The following TAFA1 variants were observed in gnomAD, a reference collection of about 807,000 sequenced individuals.
The protein encoded by TAFA1 is TAFA chemokine like family member 1, also known as chemokine-like protein TAFA-1.
A neutral mutation model predicts 18.5 loss-of-function variants in TAFA1; 4 were observed. The ratio of observed to expected loss-of-function variants is 0.22; its 90% CI spans 0.11 to 0.49. The LOEUF (loss-of-function observed/expected upper bound fraction) is 0.49, where lower values mean the gene tolerates loss of function less well. TAFA1 is among the 20% of genes least tolerant of loss of function. The probability of loss-of-function intolerance (pLI) is 0.98; values close to 1 mark genes in which losing one functional copy is unlikely to be tolerated. For missense variants in TAFA1, 147 were observed against 169.0 expected (o/e 0.87, Z 0.72); for synonymous variants, 56 against 55.2 (o/e 1.01, Z -0.06).
chr3:68,427,111 A>G (rs1466640058), intron 3 of TAFA1, among the ~76,000 whole-genome samples: 7 of 151,904 alleles, frequency 4.6e-5, no homozygotes, highest in African/African-American at 1.4e-4. Context: ...CAGTTACCTA[A>G]CTGCCATAAA....
chr3:68,150,697 G>A (rs1418839915), intron 2 of TAFA1, among the ~76,000 whole-genome samples: 1 of 151,712 alleles, frequency 6.6e-6, no homozygotes, highest in Non-Finnish European at 1.5e-5. Context: ...TTTCTTTCCC[G>A]CCTATTGAAA....
At chr3:68,451,714 CAA>C (rs2071568925) in intron 3 of TAFA1, among the ~76,000 whole-genome samples, 1 of 152,090 alleles carries the variant, frequency 6.6e-6, no homozygotes, top group South Asian at 2.1e-4. Flanking sequence ...ACAACAAGAC[CAA>C]ACTGACAGAT....
chr3:68,077,502 G>A (rs2064841223), intron 2 of TAFA1, among the ~76,000 whole-genome samples: 1 of 145,546 alleles, frequency 6.9e-6, no homozygotes. Flanking sequence ...GTAAGGAAGG[G>A]ATCCAGTTTC....
rs1158690522 is a variant in TAFA1 at position 68,155,315 on chromosome 3, G to A, written c.118+148571G>A. On this transcript the variant is annotated intron_variant, in intron 2 of 4. Coordinates refer to ENST00000478136, the MANE Select transcript of TAFA1 (RefSeq NM_213609.4). ...GCTTGCCAACCCCCAGAACTGTGCA[G>A]CCTTAGCAGACAGGGATAGCACATT... Among the ~76,000 whole-genome samples, 4 of 152,186 alleles carry A rather than the reference G, an allele frequency of 2.6e-5. No homozygotes were observed. In the East Asian group the frequency reaches 7.7e-4, roughly 29 times the overall value.
intron 2 of TAFA1, among the ~76,000 whole-genome samples, chr3:68,266,581 T>C (rs1052733683): frequency 1.3e-5 from 2 of 152,098 alleles, no homozygotes; most frequent in Non-Finnish European, 2.9e-5. Context: ...CCGAGACTTG[T>C]TGCACATTTG....
rs34030223 is a variant in TAFA1 at position 68,498,722 on chromosome 3, C to CT, written c.260-39999dup. On this transcript the variant is annotated intron_variant, in intron 3 of 4. Transcript: ENST00000478136. ...AATTCCTCCCAAAGCCGTTTGGTGG[C>CT]TTTTTTTTTTTTTTTTTTTTTTTTT... 1.0e-3 allele frequency among the ~76,000 whole-genome samples: 101 copies of CT among 96,974 alleles called. 3 individuals are homozygous for CT. Among genetic ancestry groups the CT allele is most frequent in the Non-Finnish European group, 1.3e-3 (67 of 51,040 alleles). The allele number at this position is 96,974 out of a possible 152,430, so 63.6% of individuals were successfully genotyped here.
chr3:68,181,260 T>A (rs2066195661), intron 2 of TAFA1, among the ~76,000 whole-genome samples: 1 of 152,096 alleles, frequency 6.6e-6, no homozygotes, highest in African/African-American at 2.4e-5. Context: ...CCCCAACTCC[T>A]GATCTGTAGA....
chr3:68,351,738 T>G (rs1309131173), intron 2 of TAFA1, among the ~76,000 whole-genome samples: 1 of 151,996 alleles, frequency 6.6e-6, no homozygotes. Flanking sequence ...AGCTTGTTAA[T>G]GTGGATTCCT....
intron 4 of TAFA1, among the ~76,000 whole-genome samples, chr3:68,543,956 C>T (rs2073417632): frequency 6.6e-6 from 1 of 152,072 alleles, no homozygotes; most frequent in African/African-American, 2.4e-5. Context: ...AACGACCTCA[C>T]CTCATGCCAG....
chr3:68,461,783 T>C (rs928315822), intron 3 of TAFA1, among the ~76,000 whole-genome samples: 1 of 151,954 alleles, frequency 6.6e-6, no homozygotes, highest in Non-Finnish European at 1.5e-5. Context: ...ACCATAGACA[T>C]GTCCATCTCC....
At chr3:68,439,083 A>G (rs1033165581) in intron 3 of TAFA1, among the ~76,000 whole-genome samples, 1 of 151,996 alleles carries the variant, frequency 6.6e-6, no homozygotes, top group African/African-American at 2.4e-5. Flanking sequence ...CCTTCTATCC[A>G]TGCTAATCTC....
intron 3 of TAFA1, among the ~76,000 whole-genome samples, chr3:68,420,283 C>T (rs2070929352): frequency 6.6e-6 from 1 of 152,138 alleles, no homozygotes; most frequent in Admixed American, 6.5e-5. Flanking sequence ...TTTTTAGAGA[C>T]AGGATCTTGC....
intron 2 of TAFA1, among the ~76,000 whole-genome samples, chr3:68,391,318 A>G (rs2070239321): frequency 6.6e-6 from 1 of 152,186 alleles, no homozygotes; most frequent in African/African-American, 2.4e-5. Flanking sequence ...GAGAAAAAAG[A>G]GAATGAAAAG....
intron 2 of TAFA1, among the ~76,000 whole-genome samples, chr3:68,302,122 T>C (rs2068312932): frequency 2.0e-5 from 3 of 152,210 alleles, no homozygotes; most frequent in Admixed American, 2.0e-4. Flanking sequence ...TCTTTTGCCC[T>C]AATTTAGGAA....
chr3:68,413,128 T>G (rs1316267930), intron 2 of TAFA1, among the ~76,000 whole-genome samples: 1 of 152,208 alleles, frequency 6.6e-6, no homozygotes, highest in Non-Finnish European at 1.5e-5. Context: ...TGATGGCCAG[T>G]GATGATGAGC....
At chr3:68,486,072 T>TTTTTATTTTTATTTTATTTTATTTTA (rs2072331259) in intron 3 of TAFA1, among the ~76,000 whole-genome samples, 3 of 127,524 alleles carry the variant, frequency 2.4e-5, no homozygotes, top group African/African-American at 9.3e-5. Flanking sequence ...TAAATTTTTA[T>TTTTTATTTTTATTTTATTTTATTTTA]TTTTATTTTA....
intron 3 of TAFA1, among the ~76,000 whole-genome samples, chr3:68,514,390 TATAA>T (rs543957128): frequency 5.1e-4 from 78 of 152,350 alleles, no homozygotes; most frequent in African/African-American, 1.8e-3. Flanking sequence ...TGCATAGGTA[TATAA>T]ATATATATGT....
intron 3 of TAFA1, among the ~76,000 whole-genome samples, chr3:68,426,592 A>G (rs1215375636): frequency 6.6e-6 from 1 of 151,904 alleles, no homozygotes; most frequent in Non-Finnish European, 1.5e-5. Flanking sequence ...GCAGAGATGA[A>G]AAGTTTGGTA....
chr3:68,522,900 A>C (rs2073049405), intron 3 of TAFA1, among the ~76,000 whole-genome samples: 1 of 151,948 alleles, frequency 6.6e-6, no homozygotes, highest in Admixed American at 6.6e-5. Flanking sequence ...ACATGGTGAA[A>C]CCCCAACTCT....
Sources: gnomAD v4.1 joint callset for allele counts (sites outside exome capture counted in the v4.1 genomes callset) on GRCh38, gnomAD v4.1.1 for gene constraint, MANE v1.5 for transcripts, NCBI Gene and HGNC (gene_info 2026-07-23, HGNC 2026-07-21) for gene names.